GNAL: variants seen among roughly 807,000 people sequenced by gnomAD.
The protein encoded by GNAL is guanine nucleotide-binding protein G(olf) subunit alpha.
In GNAL, 18 loss-of-function variants were observed where a neutral mutation model predicts 55.1. The observed-to-expected ratio is 0.33, with a 90% CI of 0.23 to 0.48. The LOEUF is 0.48. Among genes scored for constraint, GNAL ranks in the 20% least tolerant of loss-of-function variants. The probability of loss-of-function intolerance (pLI) is 0.99; values close to 1 mark genes in which losing one functional copy is unlikely to be tolerated. For synonymous variants in GNAL, 253 were observed against 237.0 expected, an observed-to-expected ratio of 1.07 and a Z score of -0.62; for missense variants, 412 against 614.1, an observed-to-expected ratio of 0.67 and a Z score of 3.48.
At chr18:11,839,362 G>T in intron 5 of GNAL, among the ~76,000 whole-genome samples, 1 of 151,320 alleles carries the variant, frequency 6.6e-6, no homozygotes, top group African/African-American at 2.4e-5. Context: ...TGGGCATCTT[G>T]GCGAGACCTC....
intron 4 of GNAL, among the ~76,000 whole-genome samples, chr18:11,824,385 C>G (rs548233325): frequency 6.6e-6 from 1 of 152,088 alleles, no homozygotes; most frequent in East Asian, 1.9e-4. Flanking sequence ...GGGGACTTTC[C>G]AGAATGATAA....
rs1458709938 is a variant in GNAL, at chr18:11,868,512, C to G, written c.911-31C>G. 1.9e-6 allele frequency: 3 copies of G among 1,593,120 alleles called. No homozygotes were observed. The Admixed American group carries it at 5.3e-5, about 28-fold the overall frequency. The stretch of plus-strand genomic sequence containing the variant: ...GTAACTCCACAGTGAGGATGTCTAA[C>G]TGAGGTGCTTTCCTTTTTCTCCCCA... On this transcript the variant is annotated intron_variant, in intron 8 of 11. Coordinates refer to ENST00000334049, the MANE Select transcript of GNAL (RefSeq NM_182978.4). This position sits in a 1 kb window ranked among gnomAD's most constrained non-coding sequence, Gnocchi z 4.0.
chr18:11,746,073 G>C, intron 1 of GNAL: 1 of 452,372 alleles, frequency 2.2e-6, no homozygotes, highest in Non-Finnish European at 4.3e-6. Context: ...AGAAGCTGAA[G>C]TTCTTGTTCC....
At chr18:11,826,135 G>A (rs974895459) in intron 5 of GNAL, among the ~76,000 whole-genome samples, 6 of 152,126 alleles carry the variant, frequency 3.9e-5, no homozygotes, top group Admixed American at 3.9e-4. Flanking sequence ...CCAAGCTCCT[G>A]CTTACTAGGT....
chr18:11,876,712 T>C (rs2036540319), intron 11 of GNAL, 24 bp downstream of exon 11: 1 of 1,274,902 alleles, frequency 7.8e-7, no homozygotes, highest in Non-Finnish European at 1.1e-6. Flanking sequence ...TTAACCTTTG[T>C]TTTTCTACCT....
chr18:11,717,950 A>C (rs1255949026), intron 1 of GNAL, among the ~76,000 whole-genome samples: 1 of 152,228 alleles, frequency 6.6e-6, no homozygotes, highest in Admixed American at 6.5e-5. Flanking sequence ...GTTAAGAAAA[A>C]AAAGAAATCA....
At chr18:11,809,296 G>C (rs1201451356) in intron 4 of GNAL, among the ~76,000 whole-genome samples, 1 of 151,854 alleles carries the variant, frequency 6.6e-6, no homozygotes, top group Non-Finnish European at 1.5e-5. Flanking sequence ...TGGGGGAGGA[G>C]AAATGAGGAG....
At chr18:11,745,001 T>C (rs954158225) in intron 1 of GNAL, among the ~76,000 whole-genome samples, 5 of 152,214 alleles carry the variant, frequency 3.3e-5, no homozygotes, top group African/African-American at 7.2e-5. Context: ...TGTGAGCCAC[T>C]GTGATGGGCG....
chr18:11,807,165 A>G (rs1366537905), intron 4 of GNAL, among the ~76,000 whole-genome samples: 1 of 152,114 alleles, frequency 6.6e-6, no homozygotes, highest in Non-Finnish European at 1.5e-5. Flanking sequence ...TCTCAAAAAA[A>G]AAAAAGAAAG....
intron 5 of GNAL, among the ~76,000 whole-genome samples, chr18:11,846,995 CAT>C (rs1451494636): frequency 2.0e-5 from 3 of 151,416 alleles, no homozygotes; most frequent in Non-Finnish European, 4.4e-5. Flanking sequence ...ACATTTAATA[CAT>C]GTGTAATAAA....
intron 7 of GNAL, among the ~76,000 whole-genome samples, chr18:11,864,927 C>T (rs2036226910): frequency 6.6e-6 from 1 of 152,110 alleles, no homozygotes; most frequent in South Asian, 2.1e-4. Context: ...CTGAAATGAG[C>T]AGTTTATGTG....
intron 5 of GNAL, among the ~76,000 whole-genome samples, chr18:11,831,668 C>T (rs1039592760): frequency 1.3e-5 from 2 of 152,238 alleles, no homozygotes; most frequent in East Asian, 1.9e-4. Context: ...CTGTTTACTC[C>T]ACTCGTACCT....
chr18:11,850,296 A>G (rs984216548), intron 5 of GNAL, among the ~76,000 whole-genome samples: 8 of 152,162 alleles, frequency 5.3e-5, no homozygotes, highest in African/African-American at 1.7e-4. Flanking sequence ...CATCAGAGCT[A>G]TGTCTTCAGA....
At chr18:11,757,328 G>A (rs1473694644) in intron 4 of GNAL, among the ~76,000 whole-genome samples, 6 of 150,662 alleles carry the variant, frequency 4.0e-5, no homozygotes, top group African/African-American at 1.2e-4. Flanking sequence ...CCAGACACAC[G>A]AAGCTTTGGA....
At chr18:11,821,555 G>T (rs1368215080) in intron 4 of GNAL, among the ~76,000 whole-genome samples, 1 of 152,216 alleles carries the variant, frequency 6.6e-6, no homozygotes, top group Non-Finnish European at 1.5e-5. Context: ...TGTGAGTAAG[G>T]CCCTTACTGT....
At chr18:11,733,141 G>A (rs2032377982) in intron 1 of GNAL, among the ~76,000 whole-genome samples, 1 of 152,236 alleles carries the variant, frequency 6.6e-6, no homozygotes, top group Non-Finnish European at 1.5e-5. Flanking sequence ...CCGCCTGGTG[G>A]CGCTGTGGCA....
intron 6 of GNAL, among the ~76,000 whole-genome samples, chr18:11,863,845 T>A (rs1462028056): frequency 3.9e-5 from 6 of 152,194 alleles, no homozygotes. Context: ...GAGTTACACT[T>A]CCTTTGGTTT....
At chr18:11,849,660 C>G (rs1324315917) in intron 5 of GNAL, among the ~76,000 whole-genome samples, 3 of 152,082 alleles carry the variant, frequency 2.0e-5, no homozygotes, top group Admixed American at 1.3e-4. Flanking sequence ...GGCCTAAGCT[C>G]TCTATATCCA....
chr18:11,711,620 G>A (rs1450875046), intron 1 of GNAL, among the ~76,000 whole-genome samples: 1 of 152,094 alleles, frequency 6.6e-6, no homozygotes, highest in Non-Finnish European at 1.5e-5. Context: ...ATAGTTTTCT[G>A]ATTTCCCTCA....
Sources: gnomAD v4.1 joint callset for allele counts (sites outside exome capture counted in the v4.1 genomes callset) on GRCh38, gnomAD v4.1.1 for gene constraint, Gnocchi (gnomAD v3.1) non-coding constraint, MANE v1.5 for transcripts, NCBI Gene and HGNC (gene_info 2026-07-23, HGNC 2026-07-21) for gene names.